The following SDK1 variants were observed in gnomAD, a reference collection of about 807,000 sequenced individuals.
SDK1 encodes sidekick cell adhesion molecule 1.
SDK1 carries 157 observed loss-of-function variants against 245.5 expected under a neutral mutation model. The observed-to-expected ratio is 0.64, with a 90% CI of 0.56 to 0.73. The LOEUF (loss-of-function observed/expected upper bound fraction) is 0.73, where lower values mean the gene tolerates loss of function less well. Among genes scored for constraint, SDK1 ranks in the 30% least tolerant of loss-of-function variants. SDK1 has a pLI of 0.00. For synonymous variants in SDK1, 1,647 were observed against 1,278.5 expected (o/e 1.29, Z -6.15); for missense variants, 3,583 against 3,002.3 (o/e 1.19, Z -4.52).
chr7:3,682,817 C>T (rs376080808), intron 4 of SDK1, among the ~76,000 whole-genome samples: 2 of 152,040 alleles, frequency 1.3e-5, no homozygotes, highest in Admixed American at 6.5e-5. Flanking sequence ...CAGCTCACTG[C>T]AACCCCCACT....
At position 4,233,289 on chromosome 7, in the gene SDK1, C is replaced by A. The variant is rs774117600; in HGVS notation, c.5862C>A (p.Ile1954=). 4.3e-6 allele frequency: 7 copies of A among 1,613,930 alleles called. No individual in the cohort carries two copies. The Admixed American group carries it at 1.0e-4, about 23-fold the overall frequency. The part of the protein sequence containing the change: ...EGLWDMFVKD[I]PRSATSYTLS... ...TATGGGACATGTTTGTGAAGGACAT[C>A]CCGCGGAGCGCCACATCCTACACCC... is the stretch of plus-strand genomic sequence containing the variant. Residue 1954 remains isoleucine (I), a synonymous_variant, in exon 41 of 45, where the codon ATC becomes ATA. Transcript: ENST00000404826.
chr7:3,624,838 G>C (rs1161246701), intron 2 of SDK1, among the ~76,000 whole-genome samples: 1 of 151,972 alleles, frequency 6.6e-6, no homozygotes, highest in South Asian at 2.1e-4. Context: ...CTGAGGTCAG[G>C]AGTTTGAGAC....
intron 4 of SDK1, among the ~76,000 whole-genome samples, chr7:3,700,510 T>C (rs1784709940): frequency 6.6e-6 from 1 of 152,168 alleles, no homozygotes; most frequent in Admixed American, 6.5e-5. Context: ...GCCTTGTGGA[T>C]ATAATGCAAT....
At chr7:3,697,371 T>G (rs1298966305) in intron 4 of SDK1, among the ~76,000 whole-genome samples, 3 of 152,212 alleles carry the variant, frequency 2.0e-5, no homozygotes, top group Non-Finnish European at 4.4e-5. Flanking sequence ...TGCCTCTGCT[T>G]CTTCTCAGCA....
intron 2 of SDK1, among the ~76,000 whole-genome samples, chr7:3,630,203 T>G (rs1782248135): frequency 6.6e-6 from 1 of 152,154 alleles, no homozygotes; most frequent in Non-Finnish European, 1.5e-5. Context: ...AGGAAAAATA[T>G]TTGAAGAAAT....
rs561734053 is a variant in SDK1, at chr7:3,429,815, C to A, written c.298+127931C>A. On this transcript the variant is annotated intron_variant, in intron 1 of 44. Transcript: ENST00000404826. ...CTATGTTGCCCAGGCTGGTGTTAAG[C>A]CCTGGGTTCAAGCAGTCCTCCTGCT... is the stretch of plus-strand genomic sequence containing the variant. 2.6e-5 allele frequency among the ~76,000 whole-genome samples: 4 copies of A among 151,240 alleles called. No homozygotes were observed. The South Asian group carries it at 8.4e-4, about 32-fold the overall frequency.
intron 1 of SDK1, among the ~76,000 whole-genome samples, chr7:3,481,581 C>G (rs1183943311): frequency 6.6e-6 from 1 of 152,200 alleles, no homozygotes; most frequent in Middle Eastern, 3.2e-3. Context: ...TTTATTCTGA[C>G]CCTTGAACCA....
intron 22 of SDK1, among the ~76,000 whole-genome samples, chr7:4,085,953 C>T (rs10242122): frequency 0.38 from 57,120 of 151,996 alleles, 15,122 homozygotes; most frequent in African/African-American, 0.76. Flanking sequence ...TAAAAAGTGA[C>T]ATTCACAGAA....
intron 19 of SDK1, among the ~76,000 whole-genome samples, chr7:4,065,521 T>G (rs1779817186): frequency 6.6e-6 from 1 of 152,064 alleles, no homozygotes; most frequent in South Asian, 2.1e-4. Context: ...AACAAGTCAG[T>G]GCAAAAATCT....
chr7:4,218,560 C>T (rs750866941), intron 38 of SDK1, among the ~76,000 whole-genome samples: 2 of 152,136 alleles, frequency 1.3e-5, no homozygotes, highest in Non-Finnish European at 2.9e-5. Context: ...AAGATGGACC[C>T]GTTTTGTAGT....
intron 32 of SDK1, among the ~76,000 whole-genome samples, chr7:4,167,092 C>A (rs1781543730): frequency 6.6e-6 from 1 of 152,152 alleles, no homozygotes; most frequent in Admixed American, 6.5e-5. Flanking sequence ...ACACTCCTAC[C>A]AGGTCATTTG....
At chr7:3,984,127 T>C (rs2128138052) in intron 13 of SDK1, among the ~76,000 whole-genome samples, 1 of 152,354 alleles carries the variant, frequency 6.6e-6, no homozygotes, top group South Asian at 2.1e-4. Context: ...CATCTGTTGC[T>C]TGTGGTCTGC....
intron 14 of SDK1, among the ~76,000 whole-genome samples, chr7:4,002,660 A>G (rs1304256805): frequency 2.0e-5 from 3 of 152,188 alleles, no homozygotes; most frequent in African/African-American, 7.2e-5. Flanking sequence ...ATGTACATAC[A>G]CAAACATATA....
intron 5 of SDK1, among the ~76,000 whole-genome samples, chr7:3,847,332 G>A (rs558113200): frequency 5.3e-5 from 8 of 152,306 alleles, no homozygotes; most frequent in African/African-American, 1.7e-4. Context: ...GAAATCCTGG[G>A]ATGGTCTTAA....
At chr7:3,502,277 C>G (rs933253072) in intron 1 of SDK1, among the ~76,000 whole-genome samples, 17 of 151,610 alleles carry the variant, frequency 1.1e-4, no homozygotes, top group African/African-American at 3.6e-4. Context: ...TGCTTAAAGT[C>G]TTGCTCTTGG....
chr7:4,125,482 G>C (rs1784334620), intron 25 of SDK1, among the ~76,000 whole-genome samples: 1 of 148,560 alleles, frequency 6.7e-6, no homozygotes, highest in Non-Finnish European at 1.5e-5. Context: ...TCACTGGATG[G>C]ATTGATTGAT....
intron 35 of SDK1, among the ~76,000 whole-genome samples, chr7:4,189,362 G>T (rs1584403988): frequency 6.6e-6 from 1 of 152,192 alleles, no homozygotes; most frequent in East Asian, 1.9e-4. Flanking sequence ...ACTCAGGCAT[G>T]TTAAATATTA....
chr7:3,661,386 A>T (rs892897674), intron 4 of SDK1, among the ~76,000 whole-genome samples: 5 of 152,218 alleles, frequency 3.3e-5, no homozygotes. Flanking sequence ...GTTGGAGAGA[A>T]AGGGGACATT....
intron 1 of SDK1, among the ~76,000 whole-genome samples, chr7:3,563,704 G>C (rs1261946979): frequency 3.9e-5 from 6 of 152,122 alleles, no homozygotes; most frequent in African/African-American, 2.4e-5. Context: ...ATAAGCATGA[G>C]CTGTTAGGAA....
Sources: gnomAD v4.1 joint callset for allele counts (sites outside exome capture counted in the v4.1 genomes callset) on GRCh38, gnomAD v4.1.1 for gene constraint, MANE v1.5 for transcripts, NCBI Gene and HGNC (gene_info 2026-07-23, HGNC 2026-07-21) for gene names.